AKAP12: variants seen among roughly 807,000 people sequenced by gnomAD.
AKAP12 encodes A-kinase anchoring protein 12, also known as A-kinase anchor protein 12.
AKAP12 carries 32 observed loss-of-function variants against 79.9 expected under a neutral mutation model. That is an observed-to-expected ratio of 0.40 (90% CI 0.30 to 0.54). AKAP12 has a LOEUF of 0.54. AKAP12 is among the 20% of genes least tolerant of loss of function. AKAP12 has a pLI of 0.48. For synonymous variants in AKAP12, 808 were observed against 857.0 expected, an observed-to-expected ratio of 0.94 and a Z score of 1.00; for missense variants, 2,074 against 2,177.0, an observed-to-expected ratio of 0.95 and a Z score of 0.94.
chr6:151,267,075 A>G (rs1287032979), intron 2 of AKAP12, among the ~76,000 whole-genome samples: 1 of 148,362 alleles, frequency 6.7e-6, no homozygotes, highest in Non-Finnish European at 1.5e-5. Flanking sequence ...TTGGAATGAT[A>G]GGGTTTTAGA....
At chr6:151,278,737 C>G (rs1480376106) in intron 2 of AKAP12, among the ~76,000 whole-genome samples, 18 of 151,320 alleles carry the variant, frequency 1.2e-4, no homozygotes, top group South Asian at 2.1e-4. Flanking sequence ...GCGCGATCTC[C>G]GCTCACTGCA....
chr6:151,258,256 C>G (rs1797340779), intron 2 of AKAP12, among the ~76,000 whole-genome samples: 1 of 152,158 alleles, frequency 6.6e-6, no homozygotes, highest in African/African-American at 2.4e-5. Flanking sequence ...AATGGAGTTG[C>G]AAATTCTTCC....
chr6:151,341,615 C>T lies in AKAP12; in HGVS notation c.320-7096C>T, dbSNP rs193050140. ...GGCAGCCGGCAGGGGCGCGCTGGGC[C>T]TCACGGGCGGCTGTTGGGCTGCCCC... On this transcript the variant is annotated intron_variant, in intron 3 of 4. Coordinates refer to ENST00000402676, the MANE Select transcript of AKAP12 (RefSeq NM_005100.4). 802 of 894,914 alleles carry T rather than the reference C, an allele frequency of 9.0e-4. 8 individuals carry two copies. The Middle Eastern group carries it at 0.034, about 38-fold the overall frequency. 55.4% of individuals were successfully genotyped at this position (894,914 alleles called of 1,614,324 possible).
Position 151,350,919 on chromosome 6 carries a change from T to A in AKAP12, c.2528T>A (p.Val843Asp), listed in dbSNP as rs1285587824. The A allele has an allele frequency of 2.5e-6, 4 of 1,613,882 alleles. No individual in the cohort carries two copies. The highest frequency in any genetic ancestry group is 2.5e-6 in the Non-Finnish European group (3 of 1,179,980). ...PTGANEDDSD[V>D]PAVVPLSEYD... ...GGGGCCAACGAAGATGACTCTGATG[T>A]CCCGGCCGTGGTCCCTCTGTCTGAG... is the stretch of plus-strand genomic sequence containing the variant. Residue 843 changes from valine (V) to aspartate (D), a missense_variant, in exon 4 of 5, where the codon GTC becomes GAC. Val to Asp is a radical substitution (Grantham distance 152, BLOSUM62 -3). Coordinates refer to ENST00000402676, the MANE Select transcript of AKAP12 (RefSeq NM_005100.4). The surrounding 1 kb of genome is among the most constrained non-coding windows in gnomAD (Gnocchi z 4.8).
chr6:151,351,026 G>C lies in AKAP12; in HGVS notation c.2635G>C (p.Glu879Gln). 6.2e-7 allele frequency: 1 copy of C among 1,614,122 alleles called. No homozygotes were observed. The highest frequency in any genetic ancestry group is 1.1e-5 in the South Asian group (1 of 91,078). The stretch of plus-strand genomic sequence containing the variant: ...GCAGCCCGAGCAGAAGGCAGCCACT[G>C]AGGTGTCCAAGGAGCTCAGCGAGAG... Reference protein sequence around the residue: ...AEQPEQKAATEVSKELSESQV... With the variant: ...AEQPEQKAATQVSKELSESQV... Residue 879 changes from glutamate to glutamine, a missense_variant, in exon 4 of 5, where the codon GAG (glutamate) becomes CAG (glutamine). Physicochemically the swap from Glu to Gln is conservative, Grantham distance 29 (BLOSUM62 2). Transcript: ENST00000402676. The surrounding 1 kb of genome is among the most constrained non-coding windows in gnomAD (Gnocchi z 4.4).
rs10680283 is a variant in AKAP12 at position 151,285,384 on chromosome 6, C to CTGTGTGTGTGTGTGTGTGTG, written c.163-20347_163-20328dup. On this transcript the variant is annotated intron_variant, in intron 2 of 4. Transcript: ENST00000402676. ...GTACACATCAGAGAGCTGCATTTCACTGTGTGTGTGTGTGTGTGTGTGTGT... is the reference window on the plus strand; with the variant it reads ...GTACACATCAGAGAGCTGCATTTCACTGTGTGTGTGTGTGTGTGTGTGTGTGTGTGTGTGTGTGTGTGTGT... Among the ~76,000 whole-genome samples the CTGTGTGTGTGTGTGTGTGTG allele has an allele frequency of 9.8e-4, 134 of 136,542 alleles. 2 individuals carry two copies. Among genetic ancestry groups the CTGTGTGTGTGTGTGTGTGTG allele is most frequent in the Non-Finnish European group, 1.4e-3 (89 of 64,494 alleles). 89.6% of individuals were successfully genotyped at this position (136,542 alleles called of 152,430 possible).
chr6:151,287,007 C>T (rs1350981606), intron 2 of AKAP12, among the ~76,000 whole-genome samples: 10 of 147,942 alleles, frequency 6.8e-5, no homozygotes, highest in Admixed American at 6.7e-5. Context: ...GGCGTGATCT[C>T]GGCTCACTGC....
At chr6:151,346,067 T>C (rs1778095630) in intron 3 of AKAP12, among the ~76,000 whole-genome samples, 1 of 152,000 alleles carries the variant, frequency 6.6e-6, no homozygotes, top group Admixed American at 6.6e-5. Context: ...TCAATTAAAA[T>C]TCATCTCATC....
intron 3 of AKAP12, among the ~76,000 whole-genome samples, chr6:151,340,441 T>A (rs147219937): frequency 6.6e-6 from 1 of 152,290 alleles, no homozygotes; most frequent in African/African-American, 2.4e-5. Flanking sequence ...GATTGCCAGA[T>A]CATATGGTAA....
chr6:151,263,894 C>T (rs546900235), intron 2 of AKAP12, among the ~76,000 whole-genome samples: 15 of 152,196 alleles, frequency 9.9e-5, no homozygotes, highest in African/African-American at 2.6e-4. Context: ...GAGATCTTAC[C>T]GATGTTCTTG....
chr6:151,343,842 G>A lies in AKAP12; in HGVS notation c.320-4869G>A, dbSNP rs111856479. On this transcript the variant is annotated intron_variant, in intron 3 of 4. Coordinates refer to ENST00000402676, the MANE Select transcript of AKAP12 (RefSeq NM_005100.4). Reference sequence around the variant, plus strand: ...GGAAATACACTTAAGGAAGCCTTTGGATTTAACTATAAACAAATTCATCAC... The same window carrying A: ...GGAAATACACTTAAGGAAGCCTTTGAATTTAACTATAAACAAATTCATCAC... The A allele has an allele frequency of 1.0e-2, 3,906 of 391,290 alleles. 37 individuals are homozygous for A. Among genetic ancestry groups the A allele is most frequent in the Middle Eastern group, 0.027 (59 of 2,148 alleles). 24.2% of individuals were successfully genotyped at this position (391,290 alleles called of 1,614,324 possible). A position where few individuals can be genotyped will look rare whatever the true frequency, so the allele number is the denominator to read the frequency against.
At chr6:151,323,065 C>CAAAGA (rs1777437479) in intron 3 of AKAP12, among the ~76,000 whole-genome samples, 3 of 152,162 alleles carry the variant, frequency 2.0e-5, no homozygotes, top group African/African-American at 7.2e-5. Context: ...ATCTTTACTC[C>CAAAGA]TGCTTTTATC....
intron 2 of AKAP12, among the ~76,000 whole-genome samples, chr6:151,254,119 A>G (rs1263073018): frequency 6.6e-6 from 1 of 152,198 alleles, no homozygotes; most frequent in Non-Finnish European, 1.5e-5. Flanking sequence ...TTTACATGAA[A>G]TAAGCTATTG....
chr6:151,340,321 AT>A (rs1414006076), intron 3 of AKAP12, among the ~76,000 whole-genome samples: 2 of 150,048 alleles, frequency 1.3e-5, no homozygotes. Flanking sequence ...AGGACATCTG[AT>A]TGCTTCCAAG....
intron 2 of AKAP12, among the ~76,000 whole-genome samples, chr6:151,298,189 G>A (rs535548341): frequency 5.3e-5 from 8 of 152,050 alleles, no homozygotes; most frequent in Non-Finnish European, 8.8e-5. Flanking sequence ...GGCGGCCCTC[G>A]TCCATTTAGA....
At chr6:151,329,272 C>T (rs143260290) in intron 3 of AKAP12, among the ~76,000 whole-genome samples, 1,904 of 152,212 alleles carry the variant, frequency 0.013, 35 homozygotes, top group African/African-American at 0.044. Context: ...CCTGCCACCA[C>T]GCCCCGCTAA....
At chr6:151,281,173 C>G (rs1776399973) in intron 2 of AKAP12, among the ~76,000 whole-genome samples, 1 of 152,124 alleles carries the variant, frequency 6.6e-6, no homozygotes, top group Non-Finnish European at 1.5e-5. Context: ...CCCAACTCAG[C>G]CACTTACATT....
At chr6:151,324,722 G>A (rs1777480838) in intron 3 of AKAP12, 5 of 985,242 alleles carry the variant, frequency 5.1e-6, no homozygotes, top group South Asian at 9.4e-5. Context: ...AACAAACCCA[G>A]GGGACCTAAC....
intron 2 of AKAP12, among the ~76,000 whole-genome samples, chr6:151,299,481 G>T (rs1323215243): frequency 6.6e-6 from 1 of 152,038 alleles, no homozygotes; most frequent in Non-Finnish European, 1.5e-5. Context: ...GGTACATATT[G>T]TTCCAGACTT....
Sources: gnomAD v4.1 joint callset for allele counts (sites outside exome capture counted in the v4.1 genomes callset) on GRCh38, gnomAD v4.1.1 for gene constraint, Gnocchi (gnomAD v3.1) non-coding constraint, MANE v1.5 for transcripts, NCBI Gene and HGNC (gene_info 2026-07-23, HGNC 2026-07-21) for gene names.